RAB38: variants seen among roughly 807,000 people sequenced by gnomAD.
The protein encoded by RAB38 is RAB38, member RAS oncogene family.
Under a neutral mutation model 18.4 loss-of-function variants are expected in RAB38, and 15 were observed. The observed-to-expected ratio is 0.82, with a 90% confidence interval of 0.55 to 1.26. The LOEUF is 1.26. Ranked by LOEUF, RAB38 falls within the 50% of genes most tolerant of loss-of-function variation. The probability of loss-of-function intolerance (pLI) is 0.00; values close to 1 mark genes in which losing one functional copy is unlikely to be tolerated. For synonymous variants in RAB38, 101 were observed against 104.4 expected (o/e 0.97, Z 0.20); for missense variants, 294 against 267.4 (o/e 1.10, Z -0.69).
the RAB38 span, among the ~76,000 whole-genome samples, chr11:88,059,345 T>G: frequency 1.3e-5 from 2 of 152,334 alleles, no homozygotes; most frequent in African/African-American, 4.8e-5. Flanking sequence ...TCTCTATTCA[T>G]TCTTAATAGG....
At chr11:88,073,941 A>G in the RAB38 span, among the ~76,000 whole-genome samples, 1 of 152,100 alleles carries the variant, frequency 6.6e-6, no homozygotes, top group Non-Finnish European at 1.5e-5. Flanking sequence ...AGCAGAGAGA[A>G]AAATCAGTGA....
the RAB38 span, among the ~76,000 whole-genome samples, chr11:88,007,519 C>G: frequency 6.6e-6 from 1 of 151,800 alleles, no homozygotes; most frequent in African/African-American, 2.4e-5. Context: ...AAATTATTAG[C>G]CAAATGCAAA....
chr11:88,140,111 G>T (rs1291310008), intron 2 of RAB38, among the ~76,000 whole-genome samples: 4 of 152,184 alleles, frequency 2.6e-5, no homozygotes, highest in Non-Finnish European at 5.9e-5. Flanking sequence ...ATGTGGCATT[G>T]CCAAGCAAAG....
chr11:87,831,603 A>G, the RAB38 span, among the ~76,000 whole-genome samples: 6 of 152,234 alleles, frequency 3.9e-5, no homozygotes, highest in African/African-American at 1.2e-4. Context: ...ATAGGAGACC[A>G]TTTGGCTTAC....
the RAB38 span, among the ~76,000 whole-genome samples, chr11:87,960,276 T>C: frequency 1.4e-4 from 21 of 152,016 alleles, no homozygotes; most frequent in East Asian, 1.9e-3. Flanking sequence ...AACCTAAGAA[T>C]TGGCAGTTCT....
intron 1 of RAB38, chr11:88,174,031 A>G (rs1943344995): frequency 1.0e-6 from 1 of 985,324 alleles, no homozygotes; most frequent in Non-Finnish European, 1.2e-6. Context: ...AGCACTTATA[A>G]CGAAAGGTTC....
chr11:88,146,345 A>G (rs1212958855), intron 2 of RAB38, among the ~76,000 whole-genome samples: 3 of 152,228 alleles, frequency 2.0e-5, no homozygotes, highest in Non-Finnish European at 4.4e-5. Flanking sequence ...GGACAAAGCC[A>G]GAAGTTTGAC....
chr11:88,119,588 C>T lies in RAB38; in HGVS notation c.484-5448G>A, dbSNP rs573766655. ...AACTAACCATCAGAGGTCCTGGTTA[C>T]TTGTCAGTTTTTTAATTAGCTCTTC... On this transcript the variant is annotated intron_variant, in intron 2 of 2. Coordinates refer to ENST00000243662, the MANE Select transcript of RAB38 (RefSeq NM_022337.3). Among the ~76,000 whole-genome samples the T allele has an allele frequency of 2.6e-5, 4 of 151,202 alleles. No individual in the cohort carries two copies. The East Asian group carries it at 7.8e-4, about 30-fold the overall frequency.
At chr11:87,872,169 A>G in the RAB38 span, among the ~76,000 whole-genome samples, 6 of 151,532 alleles carry the variant, frequency 4.0e-5, no homozygotes, top group African/African-American at 1.5e-4. Context: ...TCTGGTGTGC[A>G]TTTAGTAGTA....
chr11:87,804,360 T>G, the RAB38 span, among the ~76,000 whole-genome samples: 1 of 152,300 alleles, frequency 6.6e-6, no homozygotes, highest in South Asian at 2.1e-4. Context: ...TGTGGGTGTC[T>G]TCAGCACTAG....
chr11:87,893,919 A>G, the RAB38 span, among the ~76,000 whole-genome samples: 1 of 151,772 alleles, frequency 6.6e-6, no homozygotes, highest in Non-Finnish European at 1.5e-5. Context: ...TTCCATATGA[A>G]TCTTAGGATT....
At chr11:87,892,460 C>T in the RAB38 span, among the ~76,000 whole-genome samples, 1 of 151,942 alleles carries the variant, frequency 6.6e-6, no homozygotes, top group Non-Finnish European at 1.5e-5. Flanking sequence ...GATTCATCCT[C>T]CACAATGATG....
At chr11:88,107,036 C>CA in the RAB38 span, among the ~76,000 whole-genome samples, 1 of 152,166 alleles carries the variant, frequency 6.6e-6, no homozygotes, top group Non-Finnish European at 1.5e-5. Context: ...ACCAGGACTA[C>CA]ACACCATCGT....
At chr11:87,959,382 ATCT>A in the RAB38 span, among the ~76,000 whole-genome samples, 1 of 152,182 alleles carries the variant, frequency 6.6e-6, no homozygotes, top group Non-Finnish European at 1.5e-5. Context: ...AGAAGAAATA[ATCT>A]TCTCAAAGTC....
At chr11:87,957,362 C>T in the RAB38 span, among the ~76,000 whole-genome samples, 3 of 151,246 alleles carry the variant, frequency 2.0e-5, no homozygotes, top group East Asian at 2.0e-4. Flanking sequence ...ATAAGGGTCA[C>T]GGATGACAGT....
chr11:88,102,330 C>T, the RAB38 span, among the ~76,000 whole-genome samples: 1 of 152,012 alleles, frequency 6.6e-6, no homozygotes, highest in African/African-American at 2.4e-5. Context: ...GGGACCTGAA[C>T]CCTTCTATCT....
At chr11:88,078,934 T>C in the RAB38 span, among the ~76,000 whole-genome samples, 735 of 152,076 alleles carry the variant, frequency 4.8e-3, 7 homozygotes, top group African/African-American at 0.017. Flanking sequence ...ATTTCATAGT[T>C]ACATTGATTT....
intron 2 of RAB38, among the ~76,000 whole-genome samples, chr11:88,132,476 AGAC>A (rs1437904795): frequency 6.6e-6 from 1 of 152,116 alleles, no homozygotes; most frequent in Non-Finnish European, 1.5e-5. Flanking sequence ...TTTTTTCTTG[AGAC>A]AGTGTTTCAC....
At chr11:88,066,381 G>C in the RAB38 span, among the ~76,000 whole-genome samples, 4 of 152,154 alleles carry the variant, frequency 2.6e-5, no homozygotes, top group Non-Finnish European at 5.9e-5. Context: ...TTTTGGGATA[G>C]ATACGTTTTC....
Sources: allele counts gnomAD v4.1 joint callset (sites outside exome capture counted in the v4.1 genomes callset), GRCh38; gene constraint gnomAD v4.1.1; transcripts MANE v1.5; gene names NCBI Gene and HGNC (gene_info 2026-07-23, HGNC 2026-07-21).